Variants in PAK5 observed in about 807,000 individuals in gnomAD.
The protein encoded by PAK5 is p21 (RAC1) activated kinase 5.
Under a neutral mutation model 65.9 loss-of-function variants are expected in PAK5, and 16 were observed. That is an observed-to-expected ratio of 0.24 (90% CI 0.16 to 0.37). The LOEUF (loss-of-function observed/expected upper bound fraction) is 0.37, where lower values mean the gene tolerates loss of function less well. Among genes scored for constraint, PAK5 ranks in the 10% least tolerant of loss-of-function variants. PAK5 has a pLI of 1.00. For missense variants in PAK5, 785 were observed against 903.9 expected, an observed-to-expected ratio of 0.87 and a Z score of 1.69; for synonymous variants, 371 against 354.9, an observed-to-expected ratio of 1.05 and a Z score of -0.51.
chr20:9,671,247 A>G (rs2047493007), intron 2 of PAK5, among the ~76,000 whole-genome samples: 1 of 152,122 alleles, frequency 6.6e-6, no homozygotes, highest in African/African-American at 2.4e-5. Flanking sequence ...GGATTGACTT[A>G]GCAATGTGGG....
chr20:9,705,452 T>C (rs890503056), intron 2 of PAK5, among the ~76,000 whole-genome samples: 1 of 152,180 alleles, frequency 6.6e-6, no homozygotes, highest in African/African-American at 2.4e-5. Context: ...AAGGGAATAG[T>C]CATATACCAC....
chr20:9,655,733 G>T (rs907164464), intron 2 of PAK5, among the ~76,000 whole-genome samples: 2 of 152,106 alleles, frequency 1.3e-5, no homozygotes, highest in Non-Finnish European at 2.9e-5. Flanking sequence ...GTTTGCTAGG[G>T]CTGCCAAAAC....
chr20:9,800,796 G>A (rs1457089801), intron 1 of PAK5, among the ~76,000 whole-genome samples: 2 of 151,692 alleles, frequency 1.3e-5, no homozygotes, highest in African/African-American at 4.8e-5. Flanking sequence ...TCACAAACAT[G>A]ACTAACTGGC....
intron 1 of PAK5, among the ~76,000 whole-genome samples, chr20:9,812,894 T>G (rs566456720): frequency 4.7e-4 from 71 of 152,268 alleles, no homozygotes; most frequent in Middle Eastern, 6.8e-3. Context: ...TATTACACAT[T>G]GTATGCTTGT....
rs766633020 is a variant in PAK5 at position 9,748,802 on chromosome 20, C to T, written c.-161-37367G>A. On this transcript the variant is annotated intron_variant, in intron 1 of 9. Transcript: ENST00000353224. ...CACTGTCTAATTCATTAGCCATTAG[C>T]CACAGTGTTATGAGCACCTCAAATC... Among the ~76,000 whole-genome samples the T allele has an allele frequency of 5.0e-4, 76 of 152,228 alleles. 2 individuals carry two copies. The highest frequency in any genetic ancestry group is 3.9e-4 in the East Asian group (2 of 5,184).
At chr20:9,548,015 TC>T (rs2045369959) in intron 7 of PAK5, among the ~76,000 whole-genome samples, 1 of 152,204 alleles carries the variant, frequency 6.6e-6, no homozygotes, top group Non-Finnish European at 1.5e-5. Flanking sequence ...CTTAACATTT[TC>T]ACCACACCCC....
At chr20:9,573,381 T>G (rs2026338) in intron 4 of PAK5, among the ~76,000 whole-genome samples, 73,555 of 152,056 alleles carry the variant, frequency 0.48, 21,024 homozygotes, top group African/African-American at 0.81. Context: ...TAATTATAGC[T>G]ATGAATTCAC....
chr20:9,650,028 T>TA (rs1569020303), intron 2 of PAK5, among the ~76,000 whole-genome samples: 1 of 152,194 alleles, frequency 6.6e-6, no homozygotes, highest in East Asian at 1.9e-4. Context: ...ACTTGAATAC[T>TA]AGTCCAGCCC....
At chr20:9,669,430 T>C (rs898679026) in intron 2 of PAK5, among the ~76,000 whole-genome samples, 1 of 152,218 alleles carries the variant, frequency 6.6e-6, no homozygotes, top group African/African-American at 2.4e-5. Context: ...GGTTCACATA[T>C]GCCTTTTCTT....
intron 1 of PAK5, among the ~76,000 whole-genome samples, chr20:9,807,848 T>G (rs2049252502): frequency 6.6e-6 from 1 of 151,712 alleles, no homozygotes; most frequent in Non-Finnish European, 1.5e-5. Context: ...CACTAGAAAC[T>G]CAGGGGAGGA....
At chr20:9,821,312 C>T (rs1186276628) in intron 1 of PAK5, among the ~76,000 whole-genome samples, 1 of 151,958 alleles carries the variant, frequency 6.6e-6, no homozygotes, top group East Asian at 1.9e-4. Flanking sequence ...ACACAGGAGG[C>T]GGAAGTTGCA....
chr20:9,802,720 G>A (rs1043245943), intron 1 of PAK5, among the ~76,000 whole-genome samples: 14 of 151,384 alleles, frequency 9.2e-5, no homozygotes, highest in Admixed American at 4.6e-4. Flanking sequence ...GACAGGGGTG[G>A]GAAAGTTAGG....
intron 1 of PAK5, among the ~76,000 whole-genome samples, chr20:9,804,923 A>G (rs1361964531): frequency 6.6e-6 from 1 of 152,120 alleles, no homozygotes; most frequent in East Asian, 1.9e-4. Context: ...CAGCAATCAA[A>G]AAACAGTGTG....
At chr20:9,572,123 A>T (rs1481895508) in intron 4 of PAK5, among the ~76,000 whole-genome samples, 1 of 148,274 alleles carries the variant, frequency 6.7e-6, no homozygotes, top group African/African-American at 2.5e-5. Flanking sequence ...GAAATGAGCT[A>T]AAAAAAAGAG....
chr20:9,749,256 C>G (rs1600323338), intron 1 of PAK5, among the ~76,000 whole-genome samples: 1 of 152,094 alleles, frequency 6.6e-6, no homozygotes. Context: ...GCTACCAACT[C>G]ACATACATAA....
chr20:9,714,267 C>T (rs1025585023), intron 1 of PAK5, among the ~76,000 whole-genome samples: 1 of 152,010 alleles, frequency 6.6e-6, no homozygotes, highest in South Asian at 2.1e-4. Flanking sequence ...GTTAATAGTT[C>T]GCCTTGTCTA....
intron 2 of PAK5, among the ~76,000 whole-genome samples, chr20:9,672,346 T>A (rs552566805): frequency 2.0e-5 from 3 of 148,252 alleles, no homozygotes; most frequent in Non-Finnish European, 4.5e-5. Context: ...TACTAGATAC[T>A]CAGTGATATA....
At chr20:9,576,938 G>A (rs1183007854) in intron 4 of PAK5, among the ~76,000 whole-genome samples, 2 of 152,196 alleles carry the variant, frequency 1.3e-5, no homozygotes, top group African/African-American at 2.4e-5. Flanking sequence ...AGTAGGGAAC[G>A]GATGTGCTGG....
intron 3 of PAK5, among the ~76,000 whole-genome samples, chr20:9,599,118 A>C (rs1315013283): frequency 6.6e-6 from 1 of 152,186 alleles, no homozygotes; most frequent in Non-Finnish European, 1.5e-5. Flanking sequence ...AAATCACACA[A>C]GACTTGTTCT....
Sources: gnomAD v4.1 joint callset for allele counts (sites outside exome capture counted in the v4.1 genomes callset) on GRCh38, gnomAD v4.1.1 for gene constraint, MANE v1.5 for transcripts, NCBI Gene and HGNC (gene_info 2026-07-23, HGNC 2026-07-21) for gene names.